The following CP variants were observed in gnomAD, a reference collection of about 807,000 sequenced individuals.
CP encodes the protein caeruloplasmin.
Under a neutral mutation model 122.4 loss-of-function variants are expected in CP, and 64 were observed. That is an observed-to-expected ratio of 0.52 (90% confidence interval 0.43 to 0.64). CP has a LOEUF of 0.64. Ranked by LOEUF, CP falls within the 30% of genes least tolerant of loss-of-function variation. CP has a pLI of 0.00. For missense variants in CP, 1,167 were observed against 1,284.4 expected (o/e 0.91, Z 1.40); for synonymous variants, 440 against 436.4 (o/e 1.01, Z -0.10).
At chr3:149,176,893 G>T (rs961740497) in intron 17 of CP, among the ~76,000 whole-genome samples, 7 of 152,244 alleles carry the variant, frequency 4.6e-5, no homozygotes, top group African/African-American at 1.7e-4. Flanking sequence ...AACAGTAGTT[G>T]GGTGACAATA....
chr3:149,183,372 C>A (rs1207645642), intron 13 of CP, 94 bp downstream of exon 13: 4 of 1,343,338 alleles, frequency 3.0e-6, no homozygotes, highest in Admixed American at 1.9e-5. Flanking sequence ...ATATATGAAC[C>A]AAGAAAATGA....
intron 15 of CP, 95 bp from the exon 16 acceptor site, chr3:149,178,726 A>G: frequency 1.1e-6 from 1 of 869,580 alleles, no homozygotes; most frequent in Non-Finnish European, 1.8e-6. Flanking sequence ...AATTTTGGAG[A>G]GACCAATTGA....
At chr3:149,171,422 C>T (rs1724977760), downstream of CP, among the ~76,000 whole-genome samples, 1 of 128,750 alleles carries the variant, frequency 7.8e-6, no homozygotes, top group South Asian at 2.4e-4. Flanking sequence ...TGTTTCTTAT[C>T]CTATCAATCT....
In CP at chr3:149,182,061, G is replaced by C. The variant is rs369900671; in HGVS notation, c.2498C>G (p.Ser833Ter). 1.9e-6 allele frequency: 3 copies of C among 1,606,594 alleles called. No homozygotes were observed. In the Middle Eastern group the frequency reaches 5.2e-4, roughly 280 times the overall value. Residue 833 changes from serine to a stop codon, truncating the protein, a stop_gained, in exon 14 of 19, where the codon TCA (serine) becomes TGA (stop). Transcript: ENST00000264613. LOFTEE classifies it high-confidence loss of function. ...IFKNMATRPY[S>*]IHAHGVQTES... ...TGTTTGTACCCCATGGGCATGTATT[G>C]AGTAGGGCCTTGTGGCCATGTTTTT...
downstream of CP, chr3:149,167,834 T>A (rs1266118172): frequency 1.0e-6 from 1 of 1,004,742 alleles, no homozygotes; most frequent in Non-Finnish European, 1.6e-6. Flanking sequence ...CTTATTCTCC[T>A]TTGAAATCTG....
chr3:149,208,599 T>A (rs1190577542), intron 4 of CP, among the ~76,000 whole-genome samples: 1 of 152,218 alleles, frequency 6.6e-6, no homozygotes, highest in Non-Finnish European at 1.5e-5. Flanking sequence ...CTTATTGGTC[T>A]AGTTGTTGTT....
At chr3:149,202,559 T>A (rs930106641) in intron 6 of CP, among the ~76,000 whole-genome samples, 1 of 152,034 alleles carries the variant, frequency 6.6e-6, no homozygotes, top group Non-Finnish European at 1.5e-5. Context: ...TGTGAAATGT[T>A]TAAAAACACA....
At chr3:149,200,617 C>T (rs1480736854) in intron 7 of CP, among the ~76,000 whole-genome samples, 16 of 151,874 alleles carry the variant, frequency 1.1e-4, no homozygotes, top group Non-Finnish European at 1.8e-4. Context: ...ATTCTTCTGT[C>T]GCAGCCTCCC....
intron 17 of CP, 82 bp downstream of exon 17, chr3:149,177,758 G>A: frequency 6.8e-7 from 1 of 1,472,138 alleles, no homozygotes; most frequent in Non-Finnish European, 9.5e-7. Context: ...TTTTTCATAA[G>A]TCTCTCTGAG....
At chr3:149,212,230 G>A (rs1370848282) in intron 2 of CP, among the ~76,000 whole-genome samples, 1 of 151,972 alleles carries the variant, frequency 6.6e-6, no homozygotes, top group African/African-American at 2.4e-5. Context: ...AGAATGGCTT[G>A]AACCCCGGAT....
chr3:149,194,231 A>G (rs1726738309), intron 9 of CP, among the ~76,000 whole-genome samples: 1 of 143,738 alleles, frequency 7.0e-6, no homozygotes, highest in African/African-American at 2.8e-5. Context: ...AAAATTTTTT[A>G]TTTTTTATTT....
In CP at chr3:149,198,401, C is replaced by A. The variant is rs1064797073; in HGVS notation, c.1679G>T (p.Cys560Phe). Residue 560 changes from cysteine (C) to phenylalanine (F), a missense_variant, in exon 9 of 19, where the codon TGC (cysteine) becomes TTC (phenylalanine). Physicochemically the swap from Cys to Phe is radical, Grantham distance 205 (BLOSUM62 -2). Around this residue, in one of 2 missense-constraint regions of CP, gnomAD observed 525 missense variants for 657.2 expected, o/e 0.80. Transcript: ENST00000264613. ...FTGLIGPMKI[C>F]KKGSLHANGR... ...ATTTGCATGTAAACTTCCTTTCTTGCATATTTTCATTGGCCCAATAAGCCC... is the reference window on the plus strand; with the variant it reads ...ATTTGCATGTAAACTTCCTTTCTTGAATATTTTCATTGGCCCAATAAGCCC... 6.2e-7 allele frequency: 1 copy of A among 1,613,930 alleles called. No homozygotes were observed. The highest frequency in any genetic ancestry group is 8.5e-7 in the Non-Finnish European group (1 of 1,179,834).
At chr3:149,172,119 A>T (rs1725054345), downstream of CP, 2 of 1,613,074 alleles carry the variant, frequency 1.2e-6, no homozygotes, top group African/African-American at 2.7e-5. Flanking sequence ...GTTGCTGTGG[A>T]ACTAGAACTG....
chr3:149,207,510 CTGCG>C lies in CP; in HGVS notation c.885_888del (p.His295GlnfsTer9). ...GTCAGTGCTTGCCCGTGAAAGAAAGCTGCGTGCACATCAACTTCATTACCCATAC... is the reference window on the plus strand; with the variant it reads ...GTCAGTGCTTGCCCGTGAAAGAAAGCTGCACATCAACTTCATTACCCATAC... On this transcript the variant is annotated frameshift_variant, in exon 5 of 19. Coordinates refer to ENST00000264613, the MANE Select transcript of CP (RefSeq NM_000096.4). LOFTEE classifies it high-confidence loss of function. The C allele has an allele frequency of 6.2e-7, 1 of 1,613,978 alleles. No individual in the cohort carries two copies. Among genetic ancestry groups the C allele is most frequent in the Non-Finnish European group, 8.5e-7 (1 of 1,179,880 alleles).
intron 9 of CP, among the ~76,000 whole-genome samples, chr3:149,195,572 A>T (rs1040860876): frequency 2.0e-5 from 3 of 152,230 alleles, no homozygotes; most frequent in Non-Finnish European, 2.9e-5. Context: ...TTGTGAAGTG[A>T]AAAAAGCAAA....
At chr3:149,181,975 C>CGGGGGGGCGGGG in intron 14 of CP, 30 bp downstream of exon 14, 1 of 1,088,426 alleles carries the variant, frequency 9.2e-7, no homozygotes, top group Non-Finnish European at 1.4e-6. Context: ...TGTTAAAATG[C>CGGGGGGGCGGGG]ACCACCCCCA....
intron 18 of CP, among the ~76,000 whole-genome samples, chr3:149,175,122 A>G (rs1725331802): frequency 6.6e-6 from 1 of 152,050 alleles, no homozygotes; most frequent in Admixed American, 6.6e-5. Flanking sequence ...CTTACTCACC[A>G]TTATTTTTTT....
chr3:149,199,848 T>C lies in CP; in HGVS notation c.1365A>G (p.Ala455=). Residue 455 remains alanine, a synonymous_variant, in exon 8 of 19, where the codon GCA becomes GCG. Transcript: ENST00000264613. ...TTACTCTGATGGTGTCTCCCACCTC[T>C]GCCCAAATGACAGGACCTGGGAACA... ...HLGILGPVIW[A]EVGDTIRVTF... 6.2e-7 allele frequency: 1 copy of C among 1,614,144 alleles called. No individual in the cohort carries two copies. The highest frequency in any genetic ancestry group is 8.5e-7 in the Non-Finnish European group (1 of 1,179,966).
At position 149,179,569 on chromosome 3, in the gene CP, A is replaced by G. The variant is rs560332215; in HGVS notation, c.2648T>C (p.Val883Ala). ...ACIPWAYYST[V>A]DQVKDLYSGL... ...TTTGTATTTTACCTTAACTTGATCC[A>G]CAGTTGAATAATAAGCCCATGGAAT... Residue 883 changes from valine to alanine, a missense_variant, in exon 15 of 19, where the codon GTG (valine) becomes GCG (alanine). Val to Ala is a moderately conservative substitution (Grantham distance 64). Around this residue, in one of 2 missense-constraint regions of CP, gnomAD observed 525 missense variants for 657.2 expected, o/e 0.80. Transcript: ENST00000264613. 40 of 1,612,710 alleles carry G rather than the reference A, an allele frequency of 2.5e-5. No individual in the cohort carries two copies. Among genetic ancestry groups the G allele is most frequent in the Non-Finnish European group, 3.2e-5 (38 of 1,178,896 alleles).
Sources: allele counts gnomAD v4.1 joint callset (sites outside exome capture counted in the v4.1 genomes callset), GRCh38; gene constraint gnomAD v4.1.1; regional missense constraint gnomAD v4.1.1; transcripts MANE v1.5; gene names NCBI Gene and HGNC (gene_info 2026-07-23, HGNC 2026-07-21).